The following FREM2 variants were observed in gnomAD, a reference collection of about 807,000 sequenced individuals.
The protein encoded by FREM2 is FRAS1 related extracellular matrix 2, also known as FRAS1-related extracellular matrix protein 2.
A neutral mutation model predicts 219.9 loss-of-function variants in FREM2; 119 were observed. The ratio of observed to expected loss-of-function variants is 0.54; its 90% CI spans 0.47 to 0.63. FREM2 has a LOEUF of 0.63. Ranked by LOEUF, FREM2 falls within the 30% of genes least tolerant of loss-of-function variation. The probability of loss-of-function intolerance (pLI) is 0.00; values close to 1 mark genes in which losing one functional copy is unlikely to be tolerated. For synonymous variants in FREM2, 1,562 were observed against 1,522.8 expected (o/e 1.03, Z -0.60); for missense variants, 4,030 against 3,993.6 (o/e 1.01, Z -0.25).
chr13:38,783,473 TA>T (rs141521145), intron 5 of FREM2, among the ~76,000 whole-genome samples: 29,711 of 122,850 alleles, frequency 0.24, 2,665 homozygotes, highest in South Asian at 0.36. Context: ...GGTTACTATA[TA>T]AAAAAAAAAA....
rs1291390195 is a variant in FREM2, at chr13:38,851,051, G to A, written c.6685G>A (p.Gly2229Arg). The A allele has an allele frequency of 2.5e-6, 4 of 1,613,898 alleles. No homozygotes were observed. The highest frequency in any genetic ancestry group is 3.4e-6 in the Non-Finnish European group (4 of 1,179,994). Residue 2229 changes from glycine to arginine, a missense_variant, in exon 10 of 24, where the codon GGG (glycine) becomes AGG (arginine). Gly to Arg is a moderately radical substitution (Grantham distance 125). Transcript: ENST00000280481. ...LGTPQSNSPF[G>R]AAVGEQNETL... is the part of the protein sequence containing the mutation. ...CACTCCACAAAGCAACTCTCCCTTT[G>A]GGGCTGCAGTTGGTGAACAAAATGA...
chr13:38,841,197 T>C (rs1378643258), intron 6 of FREM2, among the ~76,000 whole-genome samples: 1 of 152,230 alleles, frequency 6.6e-6, no homozygotes. Flanking sequence ...TTAAAACAAC[T>C]ACTATGGTAT....
rs185655146 is a variant in FREM2, at chr13:38,775,744, A to G, written c.5641+5936A>G. Among the ~76,000 whole-genome samples, 114 of 152,218 alleles carry G rather than the reference A, an allele frequency of 7.5e-4. No individual in the cohort carries two copies. In the Middle Eastern group the frequency reaches 0.014, roughly 18 times the overall value. On this transcript the variant is annotated intron_variant, in intron 4 of 23. Transcript: ENST00000280481. Reference sequence around the variant, plus strand: ...AGTGATTCACCTGCCTCAGCCTCCCAAATAGCTGGGATTACAGGTGCACAC... The same window carrying G: ...AGTGATTCACCTGCCTCAGCCTCCCGAATAGCTGGGATTACAGGTGCACAC...
chr13:38,784,254 T>A (rs1874236590), intron 5 of FREM2, among the ~76,000 whole-genome samples: 1 of 152,260 alleles, frequency 6.6e-6, no homozygotes, highest in Non-Finnish European at 1.5e-5. Flanking sequence ...ACTTTGCCTG[T>A]GCATAGTAAG....
At chr13:38,811,837 A>T (rs1478574255) in intron 6 of FREM2, among the ~76,000 whole-genome samples, 2 of 152,120 alleles carry the variant, frequency 1.3e-5, no homozygotes, top group Non-Finnish European at 2.9e-5. Flanking sequence ...ATTAAGTCAG[A>T]TGTTTCTCCA....
chr13:38,881,697 G>A lies in FREM2; in HGVS notation c.*910G>A, dbSNP rs888443236. 6.6e-6 allele frequency: 1 copy of A among 152,654 alleles called. No homozygotes were observed. The allele number at this position is 152,654 out of a possible 1,614,324, so 9.5% of individuals were successfully genotyped here. On this transcript the variant is annotated 3_prime_UTR_variant, in exon 24 of 24. Coordinates refer to ENST00000280481, the MANE Select transcript of FREM2 (RefSeq NM_207361.6). ...TGTTTGCAGTATTGAACCCATAAAT[G>A]ATAATAAGAAACATTGTTACAGATG...
chr13:38,693,360 G>A (rs374627777), intron 1 of FREM2, among the ~76,000 whole-genome samples: 39 of 152,316 alleles, frequency 2.6e-4, no homozygotes, highest in Middle Eastern at 6.8e-3. Flanking sequence ...CAAACACAGT[G>A]ACAAAAAACA....
At chr13:38,820,624 C>A (rs1007358901) in intron 6 of FREM2, among the ~76,000 whole-genome samples, 2 of 152,144 alleles carry the variant, frequency 1.3e-5, no homozygotes, top group Admixed American at 6.6e-5. Context: ...TGGAAAAGAT[C>A]TCTTACTAGA....
intron 6 of FREM2, among the ~76,000 whole-genome samples, chr13:38,836,043 A>C (rs1223539484): frequency 6.6e-6 from 1 of 152,202 alleles, no homozygotes; most frequent in Non-Finnish European, 1.5e-5. Flanking sequence ...GAATGCTTCC[A>C]GCTTTTGCCC....
intron 2 of FREM2, among the ~76,000 whole-genome samples, chr13:38,742,655 T>C (rs554246316): frequency 6.6e-6 from 1 of 152,334 alleles, no homozygotes; most frequent in Admixed American, 6.5e-5. Flanking sequence ...CATTTTATCG[T>C]TTACTGGACT....
chr13:38,691,215 AC>A lies in FREM2; in HGVS notation c.3872del (p.Thr1291ArgfsTer5). 6.2e-7 allele frequency: 1 copy of A among 1,614,120 alleles called. No homozygotes were observed. Among genetic ancestry groups the A allele is most frequent in the Non-Finnish European group, 8.5e-7 (1 of 1,179,996 alleles). On this transcript the variant is annotated frameshift_variant, in exon 1 of 24. Coordinates refer to ENST00000280481, the MANE Select transcript of FREM2 (RefSeq NM_207361.6). LOFTEE classifies it high-confidence loss of function. ...AGATGGGAAGCACTCTGTGGAAAAGACGGTCCTCATTATAGTTATCCCTGTT... is the reference window on the plus strand; with the variant it reads ...AGATGGGAAGCACTCTGTGGAAAAGAGGTCCTCATTATAGTTATCCCTGTT... ...LTDGKHSVEK[T>X]VLIIVIPVDD...
At chr13:38,727,740 A>T (rs537450526) in intron 2 of FREM2, among the ~76,000 whole-genome samples, 14 of 152,348 alleles carry the variant, frequency 9.2e-5, no homozygotes, top group African/African-American at 2.9e-4. Flanking sequence ...CTCCTCATGC[A>T]TTGTATGCTG....
intron 2 of FREM2, among the ~76,000 whole-genome samples, chr13:38,711,806 A>G (rs993921997): frequency 6.6e-6 from 1 of 152,166 alleles, no homozygotes; most frequent in Non-Finnish European, 1.5e-5. Flanking sequence ...AACCTGGATT[A>G]AAAATGTGGT....
chr13:38,696,948 C>T (rs1170416245), intron 1 of FREM2, among the ~76,000 whole-genome samples: 1 of 151,770 alleles, frequency 6.6e-6, no homozygotes, highest in Non-Finnish European at 1.5e-5. Context: ...GCTGGGATTA[C>T]AGGAACGCAC....
intron 2 of FREM2, among the ~76,000 whole-genome samples, chr13:38,709,264 C>T: frequency 6.6e-6 from 1 of 152,296 alleles, no homozygotes; most frequent in Non-Finnish European, 1.5e-5. Context: ...TTCTTCCTGA[C>T]ACCTTCTACT....
chr13:38,713,084 G>A (rs1870846462), intron 2 of FREM2, among the ~76,000 whole-genome samples: 1 of 152,014 alleles, frequency 6.6e-6, no homozygotes, highest in Non-Finnish European at 1.5e-5. Flanking sequence ...TCTTTTGTGG[G>A]AAGCACCCTA....
chr13:38,749,874 C>T (rs1872662557), intron 2 of FREM2, among the ~76,000 whole-genome samples: 1 of 152,176 alleles, frequency 6.6e-6, no homozygotes, highest in Non-Finnish European at 1.5e-5. Flanking sequence ...GAATTCTCTG[C>T]AGTAATCATT....
intron 21 of FREM2, 24 bp downstream of exon 21, chr13:38,877,267 A>G: frequency 6.2e-7 from 1 of 1,612,498 alleles, no homozygotes; most frequent in Non-Finnish European, 8.5e-7. Context: ...AATGAGAGGG[A>G]TGCTCTGTTT....
At chr13:38,838,432 T>G (rs1457925573) in intron 6 of FREM2, among the ~76,000 whole-genome samples, 1 of 152,210 alleles carries the variant, frequency 6.6e-6, no homozygotes, top group Non-Finnish European at 1.5e-5. Flanking sequence ...CTGAAGATTA[T>G]ATGTCTTGGG....
Sources: allele counts gnomAD v4.1 joint callset (sites outside exome capture counted in the v4.1 genomes callset), GRCh38; gene constraint gnomAD v4.1.1; transcripts MANE v1.5; gene names NCBI Gene and HGNC (gene_info 2026-07-23, HGNC 2026-07-21).